The following AP5B1 variants were observed in gnomAD, a reference collection of about 807,000 sequenced individuals.
AP5B1 encodes the protein adaptor related protein complex 5 subunit beta 1, also known as AP-5 complex subunit beta-1.
AP5B1 carries 3 observed loss-of-function variants against 5.7 expected under a neutral mutation model. The ratio of observed to expected loss-of-function variants is 0.53; its 90% CI spans 0.24 to 1.36. The LOEUF (loss-of-function observed/expected upper bound fraction) is 1.36. Among genes scored for constraint, AP5B1 ranks in the 40% most tolerant of loss-of-function variants. The probability of loss-of-function intolerance (pLI) is 0.17; values close to 1 mark genes in which losing one functional copy is unlikely to be tolerated. For missense variants in AP5B1, 1,310 were observed against 1,143.2 expected (o/e 1.15, Z -2.10); for synonymous variants, 696 against 555.5 (o/e 1.25, Z -3.56).
Position 65,778,080 on chromosome 11 carries a change from G to A in AP5B1, c.2413C>T (p.Gln805Ter), listed in dbSNP as rs755081398. Residue 805 changes from glutamine (Q) to a stop codon, truncating the protein, a stop_gained, in exon 2 of 2, where the codon CAG (glutamine) becomes TAG (stop). Coordinates refer to ENST00000532090, the MANE Select transcript of AP5B1 (RefSeq NM_138368.5). LOFTEE classifies it high-confidence loss of function. ...ESRVWCPLGP[Q>*]GLEGLVSRHL... ...CGGGACACCAAGCCCTCCAGGCCCT[G>A]TGGCCCAAGTGGACACCACACACGA... The A allele has an allele frequency of 6.2e-7, 1 of 1,612,808 alleles. No individual in the cohort carries two copies. Among genetic ancestry groups the A allele is most frequent in the East Asian group, 2.2e-5 (1 of 44,886 alleles).
rs998277619 is a variant in AP5B1 at position 65,774,710 on chromosome 11, T to C, written c.*3146A>G. Among the ~76,000 whole-genome samples, 4 of 152,128 alleles carry C rather than the reference T, an allele frequency of 2.6e-5. No homozygotes were observed. The highest frequency in any genetic ancestry group is 7.2e-5 in the African/African-American group (3 of 41,424). ...AGGTGTGAGCCACCGCCCCCGGCCC[T>C]TGACTCCCTTCACATTTCATTAGCC... is the stretch of plus-strand genomic sequence containing the variant. On this transcript the variant is annotated 3_prime_UTR_variant, in exon 2 of 2. Transcript: ENST00000532090.
rs1479660978 is a variant in AP5B1 at position 65,777,876 on chromosome 11, C to G, written c.2617G>C (p.Gly873Arg). The change falls in exon 2 of 2, where the codon GGG becomes CGG. Residue 873 changes from glycine to arginine, a missense_variant. By Grantham distance (125) the Gly-to-Arg change is moderately radical. Transcript: ENST00000532090. ...VLPLAGDYLR[G>R]LAAAV is the part of the protein sequence containing the mutation. ...GGGGCTCAGACAGCAGCCGCCAGCC[C>G]ACGGAGGTAGTCCCCCGCCAGGGGC... 3 of 1,535,520 alleles carry G rather than the reference C, an allele frequency of 2.0e-6. No individual in the cohort carries two copies. In the African/African-American group the frequency reaches 4.1e-5, roughly 21 times the overall value.
In AP5B1 at chr11:65,779,621, CACAGGAGCT is replaced by C; in HGVS notation, c.863_871del (p.Gln288_Trp291delinsArg). The stretch of plus-strand genomic sequence containing the variant: ...ACCCCGCAGGGCCCAGCCCAGCAGC[CACAGGAGCT>C]GGGCCTGGGCCACAGGAGTGAGCAG... On this transcript the variant is annotated inframe_deletion, in exon 2 of 2. Coordinates refer to ENST00000532090, the MANE Select transcript of AP5B1 (RefSeq NM_138368.5). 3 of 1,608,358 alleles carry C rather than the reference CACAGGAGCT, an allele frequency of 1.9e-6. No homozygotes were observed. The highest frequency in any genetic ancestry group is 2.5e-6 in the Non-Finnish European group (3 of 1,177,906).
Position 65,778,438 on chromosome 11 carries a change from C to A in AP5B1, c.2055G>T (p.Glu685Asp). 6.3e-7 allele frequency: 1 copy of A among 1,575,820 alleles called. No individual in the cohort carries two copies. The highest frequency in any genetic ancestry group is 8.6e-7 in the Non-Finnish European group (1 of 1,165,438). The change falls in exon 2 of 2, where the codon GAG becomes GAT. Residue 685 changes from glutamate to aspartate, a missense_variant. Transcript: ENST00000532090. ...CCAGAGAGTAGATGGGCTCCAGCGC[C>A]TCCGGCTGGAGCTTCAACACTGGGA... is the stretch of plus-strand genomic sequence containing the variant. Reference protein sequence around the residue: ...GPLPVLKLQPEALEPIYSLEL... With the variant: ...GPLPVLKLQPDALEPIYSLEL...
Position 65,778,679 on chromosome 11 carries a change from T to A in AP5B1, c.1814A>T (p.Asp605Val). The part of the protein sequence containing the change: ...LLQVLARQLE[D>V]PDGRDHARLY... ...GCGGGCGTGGTCACGCCCATCAGGG[T>A]CCTCCAGCTGCCTGGCCAGCACCTG... The change falls in exon 2 of 2, where the codon GAC (aspartate) becomes GTC (valine). Residue 605 changes from aspartate (D) to valine (V), a missense_variant. Asp to Val is a radical substitution (Grantham distance 152). Transcript: ENST00000532090. The A allele has an allele frequency of 6.4e-7, 1 of 1,567,462 alleles. No individual in the cohort carries two copies. The highest frequency in any genetic ancestry group is 8.6e-7 in the Non-Finnish European group (1 of 1,161,086).
rs1857839317 is a variant in AP5B1 at position 65,780,601 on chromosome 11, C to T, written c.-10G>A. ...GGCTCAGGGGCCCCATGGTGAGGCGCGCGGGCCCCTGCGCAGGGAAGAGGG... is the reference window on the plus strand; with the variant it reads ...GGCTCAGGGGCCCCATGGTGAGGCGTGCGGGCCCCTGCGCAGGGAAGAGGG... On this transcript the variant is annotated 5_prime_UTR_variant, in exon 1 of 2. Transcript: ENST00000532090. 3 of 1,422,178 alleles carry T rather than the reference C, an allele frequency of 2.1e-6. No individual in the cohort carries two copies. The East Asian group carries it at 9.0e-5, about 43-fold the overall frequency. The allele number at this position is 1,422,178 out of a possible 1,614,324, so 88.1% of individuals were successfully genotyped here.
At position 65,780,518 on chromosome 11, in the gene AP5B1, G is replaced by A; in HGVS notation, c.74C>T (p.Ala25Val). The A allele has an allele frequency of 1.3e-6, 2 of 1,517,384 alleles. No individual in the cohort carries two copies. Among genetic ancestry groups the A allele is most frequent in the East Asian group, 2.6e-5 (1 of 38,040 alleles). 94.0% of individuals were successfully genotyped at this position (1,517,384 alleles called of 1,614,324 possible). ...ACCCAAATCCTCCCCCTCGGGACCT[G>A]CCATGAAGGCAGACGGGCTGGCCCG... Reference protein sequence around the residue: ...AFRASPSAFMAGPEGEDLGRD... With the variant: ...AFRASPSAFMVGPEGEDLGRD... The change falls in exon 1 of 2, where the codon GCA (alanine) becomes GTA (valine). Residue 25 changes from alanine (A) to valine (V), a missense_variant. By Grantham distance (64) the Ala-to-Val change is moderately conservative. Coordinates refer to ENST00000532090, the MANE Select transcript of AP5B1 (RefSeq NM_138368.5).
rs1425972059 is a variant in AP5B1 at position 65,778,628 on chromosome 11, A to C, written c.1865T>G (p.Leu622Arg). The stretch of plus-strand genomic sequence containing the variant: ...GGCCACCCCCAACTTGGGTGCTGCC[A>C]GGTGTGCCAGCAGGATGTAGTAGAG... ...ARLYYILLAHLAAPKLGVALG... is the reference protein window; with the variant it reads ...ARLYYILLAHRAAPKLGVALG... The change falls in exon 2 of 2, where the codon CTG (leucine) becomes CGG (arginine). Residue 622 changes from leucine (L) to arginine (R), a missense_variant. Leu to Arg is a moderately radical substitution (Grantham distance 102, BLOSUM62 -2). Transcript: ENST00000532090. The C allele has an allele frequency of 1.3e-6, 2 of 1,595,128 alleles. No individual in the cohort carries two copies. The highest frequency in any genetic ancestry group is 2.3e-5 in the South Asian group (2 of 88,502).
Position 65,779,424 on chromosome 11 carries a change from G to T in AP5B1, c.1069C>A (p.His357Asn), listed in dbSNP as rs1187711863. 1 of 1,608,302 alleles carries T rather than the reference G, an allele frequency of 6.2e-7. No homozygotes were observed. Among genetic ancestry groups the T allele is most frequent in the African/African-American group, 1.3e-5 (1 of 75,020 alleles). The change falls in exon 2 of 2, where the codon CAC becomes AAC. Residue 357 changes from histidine (H) to asparagine (N), a missense_variant. Coordinates refer to ENST00000532090, the MANE Select transcript of AP5B1 (RefSeq NM_138368.5). ...LLRRLTLAAQHPALPPPTHLF... is the reference protein window; with the variant it reads ...LLRRLTLAAQNPALPPPTHLF... Reference sequence around the variant, plus strand: ...TGGGTGGGCGGAGGCAGAGCAGGGTGCTGGGCAGCCAAGGTGAGCCGGCGG... The same window carrying T: ...TGGGTGGGCGGAGGCAGAGCAGGGTTCTGGGCAGCCAAGGTGAGCCGGCGG...
Position 65,778,055 on chromosome 11 carries a change from C to T in AP5B1, c.2438G>A (p.Arg813His), listed in dbSNP as rs1329771168. The change falls in exon 2 of 2, where the codon CGC becomes CAC. Residue 813 changes from arginine (R) to histidine (H), a missense_variant. By Grantham distance (29) the Arg-to-His change is conservative. Transcript: ENST00000532090. ...GPQGLEGLVS[R>H]HLEPFVVVAQ... ...CACCACCACAAAAGGCTCCAGGTGG[C>T]GGGACACCAAGCCCTCCAGGCCCTG... 10 of 1,612,528 alleles carry T rather than the reference C, an allele frequency of 6.2e-6. No homozygotes were observed. Among genetic ancestry groups the T allele is most frequent in the Admixed American group, 1.7e-5 (1 of 59,994 alleles).
rs1042755225 is a variant in AP5B1, at chr11:65,774,937, T to A, written c.*2919A>T. 3.9e-5 allele frequency among the ~76,000 whole-genome samples: 6 copies of A among 152,164 alleles called. No individual in the cohort carries two copies. Among genetic ancestry groups the A allele is most frequent in the Non-Finnish European group, 8.8e-5 (6 of 68,012 alleles). On this transcript the variant is annotated 3_prime_UTR_variant, in exon 2 of 2. Coordinates refer to ENST00000532090, the MANE Select transcript of AP5B1 (RefSeq NM_138368.5). Reference sequence around the variant, plus strand: ...GGGAAGCTGAAGTGATGAGCAGCAGTGTGTGATTCTGAGGACACAGAGGGC... The same window carrying A: ...GGGAAGCTGAAGTGATGAGCAGCAGAGTGTGATTCTGAGGACACAGAGGGC...
At position 65,778,744 on chromosome 11, in the gene AP5B1, C is replaced by A; in HGVS notation, c.1749G>T (p.Leu583=). ...GGCCGCCCCTCACCCCTGCCCGCAG[C>A]AGCGCCCGGCAGACCCGCAGCAGGC... ...QQGLLRVCRA[L]LRAGVRGGLV... Residue 583 remains leucine, a synonymous_variant, in exon 2 of 2, where the codon CTG becomes CTT. Coordinates refer to ENST00000532090, the MANE Select transcript of AP5B1 (RefSeq NM_138368.5). 1 of 1,605,958 alleles carries A rather than the reference C, an allele frequency of 6.2e-7. No homozygotes were observed. The highest frequency in any genetic ancestry group is 8.5e-7 in the Non-Finnish European group (1 of 1,177,206).
rs766848805 is a variant in AP5B1 at position 65,778,161 on chromosome 11, C to T, written c.2332G>A (p.Gly778Arg). The T allele has an allele frequency of 9.9e-6, 16 of 1,612,868 alleles. No individual in the cohort carries two copies. Among genetic ancestry groups the T allele is most frequent in the Middle Eastern group, 1.6e-4 (1 of 6,084 alleles). ...CAGAGCTCCTCAAAGAAGCCCAGCCCGGCCCCCTCTGGAGGCTGCGGGAAA... is the reference window on the plus strand; with the variant it reads ...CAGAGCTCCTCAAAGAAGCCCAGCCTGGCCCCCTCTGGAGGCTGCGGGAAA... ...LPFPQPPEGA[G>R]LGFFEELWDS... Residue 778 changes from glycine (G) to arginine (R), a missense_variant, in exon 2 of 2, where the codon GGG (glycine) becomes AGG (arginine). Coordinates refer to ENST00000532090, the MANE Select transcript of AP5B1 (RefSeq NM_138368.5).
chr11:65,778,989 G>A lies in AP5B1; in HGVS notation c.1504C>T (p.Pro502Ser). 1 of 1,612,240 alleles carries A rather than the reference G, an allele frequency of 6.2e-7. No homozygotes were observed. Among genetic ancestry groups the A allele is most frequent in the Middle Eastern group, 1.7e-4 (1 of 6,060 alleles). The part of the protein sequence containing the change: ...QLYQARPMLA[P>S]HFVDLLDQVD... ...TGATCCAAGAGGTCCACAAAGTGGGGAGCCAGCATGGGCCGGGCTTGGTAC... is the reference window on the plus strand; with the variant it reads ...TGATCCAAGAGGTCCACAAAGTGGGAAGCCAGCATGGGCCGGGCTTGGTAC... The change falls in exon 2 of 2, where the codon CCC becomes TCC. Residue 502 changes from proline to serine, a missense_variant. By Grantham distance (74) the Pro-to-Ser change is moderately conservative. Coordinates refer to ENST00000532090, the MANE Select transcript of AP5B1 (RefSeq NM_138368.5).
Position 65,779,831 on chromosome 11 carries a change from C to A in AP5B1, c.662G>T (p.Gly221Val). The change falls in exon 2 of 2, where the codon GGT becomes GTT. Residue 221 changes from glycine (G) to valine (V), a missense_variant. By Grantham distance (109) the Gly-to-Val change is moderately radical (BLOSUM62 -3). Transcript: ENST00000532090. The stretch of plus-strand genomic sequence containing the variant: ...CTCCACTAGTGTCCAATCCCAGGGA[C>A]CACCCCCAGTTGGGGAGACCTTATC... ...LTDKVSPTGG[G>V]PWDWTLVEEG... is the part of the protein sequence containing the mutation. 6.3e-7 allele frequency: 1 copy of A among 1,589,536 alleles called. No individual in the cohort carries two copies. The highest frequency in any genetic ancestry group is 8.6e-7 in the Non-Finnish European group (1 of 1,168,190).
rs1429570495 is a variant in AP5B1 at position 65,779,812 on chromosome 11, T to C, written c.681A>G (p.Leu227=). ...PTGGGPWDWT[L]VEEGDGRLQP... The stretch of plus-strand genomic sequence containing the variant: ...GAAGGCGTCCATCGCCCTCCTCCAC[T>C]AGTGTCCAATCCCAGGGACCACCCC... Residue 227 remains leucine, a synonymous_variant, in exon 2 of 2, where the codon CTA becomes CTG. Transcript: ENST00000532090. 4 of 1,588,942 alleles carry C rather than the reference T, an allele frequency of 2.5e-6. No homozygotes were observed. The South Asian group carries it at 4.6e-5, about 18-fold the overall frequency.
rs1346052731 is a variant in AP5B1 at position 65,774,045 on chromosome 11, T to C, written c.*3811A>G. 6.6e-6 allele frequency among the ~76,000 whole-genome samples: 1 copy of C among 152,300 alleles called. No homozygotes were observed. The highest frequency in any genetic ancestry group is 1.9e-4 in the East Asian group (1 of 5,180). On this transcript the variant is annotated 3_prime_UTR_variant, in exon 2 of 2. Coordinates refer to ENST00000532090, the MANE Select transcript of AP5B1 (RefSeq NM_138368.5). ...ATTGCCACAGTGTCTGTTCTGTCCA[T>C]CTCATGATCCCTATTTTGTTCATTC...
rs751375299 is a variant in AP5B1 at position 65,779,516 on chromosome 11, G to C, written c.977C>G (p.Ala326Gly). ...AAAGGCCGCCTTGAGCGCAAGCATG[G>C]CGTGCAACAGTGTCAGCTGTGCTGT... ...LGTAQLTLLH[A>G]MLALKAAFGE... Residue 326 changes from alanine to glycine, a missense_variant, in exon 2 of 2, where the codon GCC becomes GGC. By Grantham distance (60) the Ala-to-Gly change is moderately conservative. Coordinates refer to ENST00000532090, the MANE Select transcript of AP5B1 (RefSeq NM_138368.5). The C allele has an allele frequency of 6.2e-7, 1 of 1,605,488 alleles. No homozygotes were observed. Among genetic ancestry groups the C allele is most frequent in the Non-Finnish European group, 8.5e-7 (1 of 1,177,132 alleles).
In AP5B1 at chr11:65,780,284, G is replaced by C. The variant is rs866030578; in HGVS notation, c.209C>G (p.Ala70Gly). 5 of 1,501,380 alleles carry C rather than the reference G, an allele frequency of 3.3e-6. No homozygotes were observed. Among genetic ancestry groups the C allele is most frequent in the East Asian group, 2.5e-5 (1 of 39,542 alleles). 93.0% of individuals were successfully genotyped at this position (1,501,380 alleles called of 1,614,324 possible). ...CAGGGAGGTGGCGGCCACTTCGGCCGCAGAGGCGTCGGGCCACAGCTGCGC... is the reference window on the plus strand; with the variant it reads ...CAGGGAGGTGGCGGCCACTTCGGCCCCAGAGGCGTCGGGCCACAGCTGCGC... ...YPAQLWPDAS[A>G]AEVAATSLLD... The change falls in exon 2 of 2, where the codon GCG becomes GGG. Residue 70 changes from alanine (A) to glycine (G), a missense_variant. By Grantham distance (60) the Ala-to-Gly change is moderately conservative (BLOSUM62 0). Transcript: ENST00000532090.
Sources: gnomAD v4.1 joint callset for allele counts (sites outside exome capture counted in the v4.1 genomes callset) on GRCh38, gnomAD v4.1.1 for gene constraint, MANE v1.5 for transcripts, NCBI Gene and HGNC (gene_info 2026-07-23, HGNC 2026-07-21) for gene names.